Variants in DNAH8 observed in about 807,000 individuals in gnomAD.
DNAH8 encodes the protein dynein axonemal heavy chain 8.
Under a neutral mutation model 562.1 loss-of-function variants are expected in DNAH8, and 382 were observed. The ratio of observed to expected loss-of-function variants is 0.68; its 90% CI spans 0.63 to 0.74. The LOEUF (loss-of-function observed/expected upper bound fraction) is 0.74, where lower values mean the gene tolerates loss of function less well. Among genes scored for constraint, DNAH8 ranks in the 30% least tolerant of loss-of-function variants. The probability of loss-of-function intolerance (pLI) is 0.00; values close to 1 mark genes in which losing one functional copy is unlikely to be tolerated. For missense variants in DNAH8, 5,203 were observed against 5,620.4 expected, an observed-to-expected ratio of 0.93 and a Z score of 2.37; for synonymous variants, 1,881 against 1,919.4, an observed-to-expected ratio of 0.98 and a Z score of 0.52.
intron 87 of DNAH8, among the ~76,000 whole-genome samples, chr6:38,988,698 C>T (rs1764578036): frequency 6.6e-6 from 1 of 152,114 alleles, no homozygotes. Context: ...TTCCCTTAAC[C>T]TGCTTCTCAT....
Position 39,015,720 on chromosome 6 carries a change from C to T in DNAH8, c.13714+3083C>T, listed in dbSNP as rs555252955. 6.6e-5 allele frequency among the ~76,000 whole-genome samples: 10 copies of T among 152,338 alleles called. No homozygotes were observed. The East Asian group carries it at 1.7e-3, about 26-fold the overall frequency. On this transcript the variant is annotated intron_variant, in intron 91 of 92. Transcript: ENST00000327475. ...GCAGTGTGAAAATGGACTAATACAT[C>T]ACATTTCAGTTAATGCCTTACTTTC...
At chr6:38,920,763 A>C (rs546058897) in intron 70 of DNAH8, among the ~76,000 whole-genome samples, 1 of 152,336 alleles carries the variant, frequency 6.6e-6, no homozygotes, top group Admixed American at 6.5e-5. Context: ...AATGAAAAAA[A>C]ATCAAAATGC....
chr6:38,872,752 C>G lies in DNAH8; in HGVS notation c.7207C>G (p.Leu2403Val). Residue 2403 changes from leucine (L) to valine (V), a missense_variant, in exon 50 of 93, where the codon CTG becomes GTG. Physicochemically the swap from Leu to Val is conservative, Grantham distance 32. Coordinates refer to ENST00000327475, the MANE Select transcript of DNAH8 (RefSeq NM_001206927.2). ...CTGGACAGATGGGATTTTTTCTACT[C>G]TGTGGAGAAAAACATTAAAAGCTAA... ...NDWTDGIFST[L>V]WRKTLKAKKG... is the part of the protein sequence containing the mutation. The G allele has an allele frequency of 6.2e-7, 1 of 1,614,098 alleles. No homozygotes were observed. Among genetic ancestry groups the G allele is most frequent in the Non-Finnish European group, 8.5e-7 (1 of 1,179,994 alleles).
intron 29 of DNAH8, among the ~76,000 whole-genome samples, chr6:38,827,942 T>C (rs752720115): frequency 5.9e-5 from 9 of 151,988 alleles, no homozygotes; most frequent in Non-Finnish European, 1.3e-4. Flanking sequence ...AAGAGACATA[T>C]ACATCTCCAT....
At chr6:38,969,412 C>A (rs1418626468) in intron 82 of DNAH8, among the ~76,000 whole-genome samples, 1 of 152,010 alleles carries the variant, frequency 6.6e-6, no homozygotes, top group African/African-American at 2.4e-5. Flanking sequence ...GGGGATAAAA[C>A]AGACAGTTAT....
intron 88 of DNAH8, 96 bp downstream of exon 88, chr6:38,990,268 C>T: frequency 2.4e-6 from 2 of 828,622 alleles, no homozygotes; most frequent in South Asian, 2.0e-5. Context: ...TCTCTCCTTT[C>T]CCCCTTTTTT....
At chr6:38,819,859 GA>G (rs1486307313) in intron 26 of DNAH8, among the ~76,000 whole-genome samples, 6 of 152,052 alleles carry the variant, frequency 3.9e-5, no homozygotes, top group African/African-American at 1.4e-4. Context: ...TAGAAACACA[GA>G]TTTTTTTTAT....
At chr6:39,010,820 C>CGTAT (rs1554163117) in intron 89 of DNAH8, among the ~76,000 whole-genome samples, 1,638 of 132,794 alleles carry the variant, frequency 0.012, 14 homozygotes, top group South Asian at 0.016. Flanking sequence ...CACACACACA[C>CGTAT]GTATGTATGT....
chr6:38,742,041 A>G (rs7755027), intron 8 of DNAH8, among the ~76,000 whole-genome samples, 154 bp downstream of exon 8: 3,083 of 152,322 alleles, frequency 0.02, 117 homozygotes, highest in African/African-American at 0.069. Flanking sequence ...TTATTTCCAG[A>G]AGAGGAAATG....
Position 38,852,728 on chromosome 6 carries a change from A to C in DNAH8, c.5501A>C (p.Glu1834Ala). ...CCTGCAGTATCTGACAACATCAATG[A>C]GGTGACATTTCATGCAAAAGACTAT... The part of the protein sequence containing the change: ...HLPAVSDNIN[E>A]VTFHAKDYDR... Residue 1834 changes from glutamate to alanine, a missense_variant, in exon 40 of 93, where the codon GAG becomes GCG. Around this residue, in one of 6 missense-constraint regions of DNAH8, gnomAD observed 2,176 missense variants for 2,365.1 expected, o/e 0.92. Coordinates refer to ENST00000327475, the MANE Select transcript of DNAH8 (RefSeq NM_001206927.2). 1 of 1,613,840 alleles carries C rather than the reference A, an allele frequency of 6.2e-7. No individual in the cohort carries two copies. Among genetic ancestry groups the C allele is most frequent in the Non-Finnish European group, 8.5e-7 (1 of 1,179,804 alleles).
At chr6:38,887,360 T>C (rs1336305996) in intron 57 of DNAH8, among the ~76,000 whole-genome samples, 1 of 152,194 alleles carries the variant, frequency 6.6e-6, no homozygotes, top group Non-Finnish European at 1.5e-5. Flanking sequence ...CTTCAATATG[T>C]TAATGAAAAT....
chr6:38,982,547 G>A, intron 86 of DNAH8, 85 bp downstream of exon 86: 2 of 797,030 alleles, frequency 2.5e-6, no homozygotes, highest in African/African-American at 1.7e-5. Context: ...ATGATAAGGT[G>A]TGAATTTGCT....
At chr6:38,988,991 C>T (rs1024139157) in intron 87 of DNAH8, among the ~76,000 whole-genome samples, 22 of 152,220 alleles carry the variant, frequency 1.4e-4, no homozygotes, top group East Asian at 3.8e-4. Flanking sequence ...GACTGTGTGT[C>T]TCTTATCTTT....
At chr6:38,855,113 A>G (rs1454301444) in intron 41 of DNAH8, among the ~76,000 whole-genome samples, 1 of 151,484 alleles carries the variant, frequency 6.6e-6, no homozygotes, top group Non-Finnish European at 1.5e-5. Context: ...CATTTTTTCA[A>G]ATGACTGAAA....
Position 38,873,135 on chromosome 6 carries a change from G to A in DNAH8, c.7467G>A (p.Arg2489=). The change falls in exon 51 of 93, where the codon AGG becomes AGA. Residue 2489 remains arginine, a synonymous_variant. Transcript: ENST00000327475. ...VYISSSALSW[R]PILQAWLKKR... The stretch of plus-strand genomic sequence containing the variant: ...TCAGCAGCTCTGCTCTCAGCTGGAG[G>A]CCAATCTTACAGGTGGGGCAGAGAG... 4 of 1,613,428 alleles carry A rather than the reference G, an allele frequency of 2.5e-6. No homozygotes were observed. The highest frequency in any genetic ancestry group is 1.7e-5 in the Admixed American group (1 of 60,016).
intron 4 of DNAH8, among the ~76,000 whole-genome samples, chr6:38,733,036 A>G (rs1049151903): frequency 2.0e-5 from 3 of 152,112 alleles, no homozygotes; most frequent in African/African-American, 7.2e-5. Context: ...CTACAGGCAC[A>G]TGCCACCACA....
At chr6:38,893,496 G>A (rs1194524877) in intron 58 of DNAH8, among the ~76,000 whole-genome samples, 1 of 152,106 alleles carries the variant, frequency 6.6e-6, no homozygotes, top group African/African-American at 2.4e-5. Context: ...CATGGCTGGA[G>A]TGTTATACTA....
rs1774887502 is a variant in DNAH8 at position 38,842,459 on chromosome 6, G to A, written c.4558G>A (p.Val1520Ile). The A allele has an allele frequency of 1.2e-6, 2 of 1,613,118 alleles. No homozygotes were observed. Among genetic ancestry groups the A allele is most frequent in the Non-Finnish European group, 8.5e-7 (1 of 1,179,632 alleles). ...TTATTATGAAATACTTTGGGGAGATGTAGATATTGAAAAAATTAATGCAGA... is the reference window on the plus strand; with the variant it reads ...TTATTATGAAATACTTTGGGGAGATATAGATATTGAAAAAATTAATGCAGA... ...SGYYEILWGD[V>I]DIEKINAELL... The change falls in exon 34 of 93, where the codon GTA (valine) becomes ATA (isoleucine). Residue 1520 changes from valine (V) to isoleucine (I), a missense_variant. Around this residue, in one of 6 missense-constraint regions of DNAH8, gnomAD observed 2,176 missense variants for 2,365.1 expected, o/e 0.92. Transcript: ENST00000327475.
chr6:38,815,297 A>G (rs1583077385), intron 25 of DNAH8, among the ~76,000 whole-genome samples, 171 bp from the exon 26 acceptor site: 1 of 152,176 alleles, frequency 6.6e-6, no homozygotes, highest in Admixed American at 6.5e-5. Context: ...AAACTTCAGG[A>G]TAGAGAAAAT....
Sources: allele counts gnomAD v4.1 joint callset (sites outside exome capture counted in the v4.1 genomes callset), GRCh38; gene constraint gnomAD v4.1.1; regional missense constraint gnomAD v4.1.1; transcripts MANE v1.5; gene names NCBI Gene and HGNC (gene_info 2026-07-23, HGNC 2026-07-21).